The following GLIS3 variants were observed in gnomAD, a reference collection of about 807,000 sequenced individuals.
The protein encoded by GLIS3 is zinc finger protein GLIS3.
A neutral mutation model predicts 78.6 loss-of-function variants in GLIS3; 53 were observed. That is an observed-to-expected ratio of 0.67 (90% CI 0.54 to 0.85). The LOEUF (loss-of-function observed/expected upper bound fraction) is 0.85, where lower values mean the gene tolerates loss of function less well. GLIS3 is among the 40% of genes least tolerant of loss of function. The pLI is 0.00. For missense variants in GLIS3, 1,703 were observed against 1,231.1 expected (o/e 1.38, Z -5.74); for synonymous variants, 684 against 509.9 (o/e 1.34, Z -4.60).
At chr9:4,052,484 C>T (rs1825812157) in intron 4 of GLIS3, among the ~76,000 whole-genome samples, 1 of 152,138 alleles carries the variant, frequency 6.6e-6, no homozygotes, top group African/African-American at 2.4e-5. Context: ...TTAGCCACTC[C>T]TCATTCCCCA....
At chr9:4,430,405 G>T in the GLIS3 span, among the ~76,000 whole-genome samples, 592 of 152,294 alleles carry the variant, frequency 3.9e-3, 2 homozygotes, top group African/African-American at 0.014. Context: ...GCAGCTCCCC[G>T]TCTAGACAAA....
intron 4 of GLIS3, among the ~76,000 whole-genome samples, chr9:3,940,348 G>C (rs1046654116): frequency 6.6e-6 from 1 of 152,094 alleles, no homozygotes; most frequent in Non-Finnish European, 1.5e-5. Context: ...TAAGCTTAGG[G>C]AAGCAAGGAA....
chr9:4,480,623 C>G, the GLIS3 span, among the ~76,000 whole-genome samples: 1 of 151,974 alleles, frequency 6.6e-6, no homozygotes, highest in Non-Finnish European at 1.5e-5. Flanking sequence ...TTTCAAAATT[C>G]CTCTGTAACA....
chr9:4,432,512 AGTTCGGAT>A, the GLIS3 span, among the ~76,000 whole-genome samples: 2 of 152,198 alleles, frequency 1.3e-5, no homozygotes, highest in Non-Finnish European at 2.9e-5. Context: ...CCATGTTTAA[AGTTCGGAT>A]GTTCAGCAGC....
At chr9:3,982,468 G>C (rs768645646) in intron 4 of GLIS3, among the ~76,000 whole-genome samples, 4 of 152,166 alleles carry the variant, frequency 2.6e-5, no homozygotes, top group Non-Finnish European at 4.4e-5. Flanking sequence ...ACTTACTACA[G>C]TGTTTCTATG....
intron 4 of GLIS3, among the ~76,000 whole-genome samples, chr9:3,955,429 G>A (rs751221529): frequency 2.2e-4 from 33 of 152,308 alleles, no homozygotes; most frequent in Middle Eastern, 6.8e-3. Flanking sequence ...CAGACAGGAT[G>A]GAGGTGTCAT....
chr9:3,900,223 A>G (rs1241616461), intron 6 of GLIS3, among the ~76,000 whole-genome samples: 2 of 152,090 alleles, frequency 1.3e-5, no homozygotes, highest in Non-Finnish European at 2.9e-5. Context: ...AAATGATAAT[A>G]AGCGTGAAAA....
At chr9:4,186,150 AC>A (rs1298805662) in intron 2 of GLIS3, among the ~76,000 whole-genome samples, 1 of 39,394 alleles carries the variant, frequency 2.5e-5, no homozygotes, top group Non-Finnish European at 4.9e-5. Flanking sequence ...TCCCTCCCCC[AC>A]CCCCACCCCA....
intron 2 of GLIS3, among the ~76,000 whole-genome samples, chr9:4,279,841 G>A (rs527730561): frequency 1.3e-5 from 2 of 151,430 alleles, no homozygotes; most frequent in African/African-American, 2.4e-5. Flanking sequence ...AAAAAGTCTG[G>A]TGAAGTAGGC....
intron 2 of GLIS3, among the ~76,000 whole-genome samples, chr9:4,284,952 T>A (rs1827859883): frequency 8.7e-6 from 1 of 114,304 alleles, no homozygotes; most frequent in Non-Finnish European, 1.8e-5. Flanking sequence ...CACATGTATG[T>A]TTAGTGCTAT....
At chr9:4,372,028 G>A in the GLIS3 span, among the ~76,000 whole-genome samples, 1 of 152,256 alleles carries the variant, frequency 6.6e-6, no homozygotes, top group East Asian at 1.9e-4. Flanking sequence ...CTGGTCTTGG[G>A]TCTTGCCCCC....
intron 6 of GLIS3, among the ~76,000 whole-genome samples, chr9:3,900,192 A>G (rs1056697069): frequency 3.3e-5 from 5 of 152,090 alleles, no homozygotes; most frequent in African/African-American, 1.2e-4. Context: ...CTGTTAAAAA[A>G]AAAAAAAAAA....
At chr9:4,424,928 C>G in the GLIS3 span, among the ~76,000 whole-genome samples, 1 of 151,624 alleles carries the variant, frequency 6.6e-6, no homozygotes, top group Non-Finnish European at 1.5e-5. Context: ...TTGTGGCCAA[C>G]GTGTTCTGGA....
chr9:4,373,792 C>T, the GLIS3 span, among the ~76,000 whole-genome samples: 102 of 151,878 alleles, frequency 6.7e-4, no homozygotes, highest in African/African-American at 2.3e-3. Context: ...CTCAGTCTCC[C>T]GAGTAGCTGG....
the GLIS3 span, among the ~76,000 whole-genome samples, chr9:4,393,807 T>C: frequency 2.0e-5 from 3 of 152,218 alleles, no homozygotes; most frequent in African/African-American, 7.2e-5. Context: ...ATGTTAACTT[T>C]GATTAGTTAA....
At chr9:3,993,390 A>T (rs1049320099) in intron 4 of GLIS3, among the ~76,000 whole-genome samples, 1 of 152,218 alleles carries the variant, frequency 6.6e-6, no homozygotes, top group Non-Finnish European at 1.5e-5. Context: ...TATTAGTAGT[A>T]TTTTATGAAA....
chr9:4,345,471 T>C (rs1173894935), intron 2 of GLIS3, among the ~76,000 whole-genome samples: 1 of 152,200 alleles, frequency 6.6e-6, no homozygotes, highest in East Asian at 1.9e-4. Context: ...ATGAGGTCAT[T>C]TTTACTAGAA....
At chr9:4,103,251 G>C (rs1448857572) in intron 4 of GLIS3, among the ~76,000 whole-genome samples, 1 of 152,086 alleles carries the variant, frequency 6.6e-6, no homozygotes, top group Non-Finnish European at 1.5e-5. Flanking sequence ...TATTTTTACA[G>C]ACTCATTAGG....
chr9:4,185,404 C>G (rs1817696056), intron 2 of GLIS3, among the ~76,000 whole-genome samples: 1 of 152,170 alleles, frequency 6.6e-6, no homozygotes, highest in African/African-American at 2.4e-5. Flanking sequence ...ATAAAGAATG[C>G]TGCCATGAAC....
Sources: allele counts gnomAD v4.1 joint callset (sites outside exome capture counted in the v4.1 genomes callset), GRCh38; gene constraint gnomAD v4.1.1; transcripts MANE v1.5; gene names NCBI Gene and HGNC (gene_info 2026-07-23, HGNC 2026-07-21).